Variants in SETD5 observed in about 807,000 individuals in gnomAD.
The protein encoded by SETD5 is histone-lysine N-methyltransferase SETD5.
SETD5 carries 44 observed loss-of-function variants against 153.3 expected under a neutral mutation model. The observed-to-expected ratio is 0.29, with a 90% confidence interval of 0.23 to 0.37. The LOEUF (loss-of-function observed/expected upper bound fraction) is 0.37, where lower values mean the gene tolerates loss of function less well. Ranked by LOEUF, SETD5 falls within the 10% of genes least tolerant of loss-of-function variation. The pLI, the probability that SETD5 is intolerant of heterozygous loss-of-function variation, is 1.00. For synonymous variants in SETD5, 716 were observed against 645.2 expected, an observed-to-expected ratio of 1.11 and a Z score of -1.66; for missense variants, 1,544 against 1,768.0, an observed-to-expected ratio of 0.87 and a Z score of 2.27.
chr3:9,418,309 T>C (rs1260699422), intron 1 of SETD5, among the ~76,000 whole-genome samples: 2 of 152,198 alleles, frequency 1.3e-5, no homozygotes, highest in Non-Finnish European at 2.9e-5. Context: ...GCCAGCTAGA[T>C]TACAGATGGC....
At chr3:9,460,278 AAAG>A (rs1340274254) in intron 17 of SETD5, among the ~76,000 whole-genome samples, 2 of 151,740 alleles carry the variant, frequency 1.3e-5, no homozygotes, top group Admixed American at 6.6e-5. Context: ...AAAAAAAACT[AAAG>A]AACTCTGGAG....
rs1474698023 is a variant in SETD5 at position 9,476,101 on chromosome 3, AT to A, written c.*13del. On this transcript the variant is annotated 3_prime_UTR_variant, in exon 23 of 23. Transcript: ENST00000402198. ...GACGGGACTTTCCTAGGGCTTCTGG[AT>A]TTGGGCAAACAGAACTGAATGAGCC... is the stretch of plus-strand genomic sequence containing the variant. 4 of 1,609,426 alleles carry A rather than the reference AT, an allele frequency of 2.5e-6. No individual in the cohort carries two copies. Among genetic ancestry groups the A allele is most frequent in the Non-Finnish European group, 3.4e-6 (4 of 1,177,178 alleles).
rs1467487507 is a variant in SETD5 at position 9,414,327 on chromosome 3, A to G, written c.-176-10140A>G. Reference sequence around the variant, plus strand: ...GAAAAGCAGTCTTGAATCTCAGTAAATTCTTAAGAAATTCTTAATTCATTG... The same window carrying G: ...GAAAAGCAGTCTTGAATCTCAGTAAGTTCTTAAGAAATTCTTAATTCATTG... On this transcript the variant is annotated intron_variant, in intron 1 of 22. Coordinates refer to ENST00000402198, the MANE Select transcript of SETD5 (RefSeq NM_001080517.3). 2.0e-5 allele frequency among the ~76,000 whole-genome samples: 3 copies of G among 152,128 alleles called. No individual in the cohort carries two copies. The East Asian group carries it at 5.8e-4, about 29-fold the overall frequency.
At chr3:9,472,350 C>T (rs763183330) in intron 19 of SETD5, among the ~76,000 whole-genome samples, 1 of 150,790 alleles carries the variant, frequency 6.6e-6, no homozygotes, top group Non-Finnish European at 1.5e-5. Flanking sequence ...ATAGGTTCTA[C>T]GGCCTGTGTA....
At chr3:9,417,948 T>TG (rs1415234746) in intron 1 of SETD5, among the ~76,000 whole-genome samples, 1 of 144,072 alleles carries the variant, frequency 6.9e-6, no homozygotes, top group African/African-American at 2.5e-5. Flanking sequence ...TTTTGTTTTT[T>TG]TTTTTTTTTT....
intron 1 of SETD5, among the ~76,000 whole-genome samples, chr3:9,413,440 A>G (rs1356510562): frequency 2.0e-5 from 3 of 152,130 alleles, no homozygotes; most frequent in East Asian, 1.9e-4. Context: ...TTCCACCTCT[A>G]CTGATAAAAT....
intron 18 of SETD5, chr3:9,464,991 A>G: frequency 2.8e-6 from 1 of 359,148 alleles, no homozygotes; most frequent in Non-Finnish European, 5.3e-6. Flanking sequence ...TACTTTGGTC[A>G]AAATAGGCCT....
chr3:9,425,685 C>T (rs190780460), intron 2 of SETD5, among the ~76,000 whole-genome samples: 14 of 150,942 alleles, frequency 9.3e-5, no homozygotes, highest in Admixed American at 2.6e-4. Context: ...AAACGATTCT[C>T]GTGCCTCAGC....
intron 2 of SETD5, among the ~76,000 whole-genome samples, chr3:9,425,062 T>TTTTTTTTTTTTTGTTTTTG: frequency 6.9e-6 from 1 of 144,474 alleles, no homozygotes; most frequent in African/African-American, 2.6e-5. Flanking sequence ...TTTCTTTTTT[T>TTTTTTTTTTTTTGTTTTTG]TTTTTTTTTT....
rs2040282932 is a variant in SETD5, at chr3:9,434,082, A to G, written c.177+132A>G. On this transcript the variant is annotated intron_variant, in intron 4 of 22. Coordinates refer to ENST00000402198, the MANE Select transcript of SETD5 (RefSeq NM_001080517.3). This position sits in a 1 kb window ranked among gnomAD's most constrained non-coding sequence, Gnocchi z 5.6. ...GCCCCTTTTGCACTTCCCTGACTCC[A>G]GCGGACGTCTAGCCCTGCATCATTG... 8.2e-6 allele frequency: 13 copies of G among 1,583,486 alleles called. No individual in the cohort carries two copies. Among genetic ancestry groups the G allele is most frequent in the Middle Eastern group, 1.7e-4 (1 of 6,028 alleles).
At chr3:9,412,464 A>G (rs956160248) in intron 1 of SETD5, among the ~76,000 whole-genome samples, 8 of 142,434 alleles carry the variant, frequency 5.6e-5, no homozygotes, top group Admixed American at 3.9e-4. Flanking sequence ...GTGCAGTAGC[A>G]CAATCATTGT....
At chr3:9,460,995 A>G (rs957673727) in intron 17 of SETD5, among the ~76,000 whole-genome samples, 3 of 152,210 alleles carry the variant, frequency 2.0e-5, no homozygotes, top group Non-Finnish European at 4.4e-5. Context: ...AACATATAGC[A>G]GAGACTTGTA....
chr3:9,429,089 T>G, intron 3 of SETD5, 80 bp downstream of exon 3: 3 of 941,922 alleles, frequency 3.2e-6, no homozygotes, highest in Non-Finnish European at 5.0e-6. Context: ...AATAGGATAA[T>G]ATGTAGTATT....
intron 1 of SETD5, among the ~76,000 whole-genome samples, chr3:9,412,805 TAGAG>T (rs1031879350): frequency 3.3e-5 from 5 of 151,750 alleles, no homozygotes; most frequent in African/African-American, 7.3e-5. Context: ...TTGCTTTAGA[TAGAG>T]AGGAGATAAT....
At position 9,476,458 on chromosome 3, in the gene SETD5, TTA is replaced by T. The variant is rs1491582899; in HGVS notation, c.*368_*369del. On this transcript the variant is annotated 3_prime_UTR_variant, in exon 23 of 23. Transcript: ENST00000402198. ...GTGCAGTGAGGACATCTTTTTAAAT[TTA>T]AAAAAAAAAAAAAAAAAAGTTTTCA... 523 of 146,788 alleles carry T rather than the reference TTA, an allele frequency of 3.6e-3. 5 individuals are homozygous for T. The highest frequency in any genetic ancestry group is 0.013 in the African/African-American group (483 of 36,004). 9.1% of individuals were successfully genotyped at this position (146,788 alleles called of 1,614,324 possible).
intron 1 of SETD5, among the ~76,000 whole-genome samples, chr3:9,414,566 T>C (rs958945791): frequency 6.6e-6 from 1 of 152,200 alleles, no homozygotes; most frequent in African/African-American, 2.4e-5. Flanking sequence ...TTTACCAGGA[T>C]ATACATTGTT....
chr3:9,431,066 T>C (rs889598996), intron 3 of SETD5: 1 of 985,432 alleles, frequency 1.0e-6, no homozygotes, highest in African/African-American at 1.7e-5. Flanking sequence ...CACTTTAAGA[T>C]TAAACCTGGT....
intron 17 of SETD5, among the ~76,000 whole-genome samples, chr3:9,459,024 A>G (rs943654865): frequency 2.6e-5 from 4 of 152,160 alleles, no homozygotes; most frequent in South Asian, 2.1e-4. Flanking sequence ...CTAAAAATCT[A>G]TGCTTCAGGA....
chr3:9,445,293 A>T lies in SETD5; in HGVS notation c.1433A>T (p.Asp478Val). 1 of 1,603,456 alleles carries T rather than the reference A, an allele frequency of 6.2e-7. No individual in the cohort carries two copies. Residue 478 changes from aspartate (D) to valine (V), a missense_variant, in exon 12 of 23, where the codon GAT (aspartate) becomes GTT (valine). Asp to Val is a radical substitution (Grantham distance 152). Around this residue, in one of 9 missense-constraint regions of SETD5, gnomAD observed 782 missense variants for 787.2 expected, o/e 0.99. Transcript: ENST00000402198. Reference protein sequence around the residue: ...EVPEKVTVSSDHEEVDNPEEK... With the variant: ...EVPEKVTVSSVHEEVDNPEEK... ...CCAGAAAAAGTAACTGTATCCAGTG[A>T]TCATGAGGTAATCGCCCCTGGTCAA...
Sources: gnomAD v4.1 joint callset for allele counts (sites outside exome capture counted in the v4.1 genomes callset) on GRCh38, gnomAD v4.1.1 for gene constraint, gnomAD v4.1.1 regional missense constraint, Gnocchi (gnomAD v3.1) non-coding constraint, MANE v1.5 for transcripts, NCBI Gene and HGNC (gene_info 2026-07-23, HGNC 2026-07-21) for gene names.